The following SLC25A48 variants were observed in gnomAD, a reference collection of about 807,000 sequenced individuals.
SLC25A48 encodes the protein CTC-321K16.1.
In SLC25A48, 29 loss-of-function variants were observed where a neutral mutation model predicts 32.2. The ratio of observed to expected loss-of-function variants is 0.90; its 90% CI spans 0.67 to 1.23. The LOEUF is 1.23. Among genes scored for constraint, SLC25A48 ranks in the 50% most tolerant of loss-of-function variants. SLC25A48 has a pLI of 0.00. For missense variants in SLC25A48, 399 were observed against 422.7 expected, an observed-to-expected ratio of 0.94 and a Z score of 0.49; for synonymous variants, 164 against 172.3, an observed-to-expected ratio of 0.95 and a Z score of 0.38.
intron 6 of SLC25A48, chr5:135,875,608 G>C (rs1269109797): frequency 1.3e-5 from 2 of 152,244 alleles, no homozygotes; most frequent in Non-Finnish European, 2.9e-5. Flanking sequence ...ATGCCTAAGG[G>C]CTTTAGTTTT....
chr5:135,776,149 G>A (rs374872504), intron 3 of SLC25A48, among the ~76,000 whole-genome samples: 14 of 151,602 alleles, frequency 9.2e-5, no homozygotes, highest in Admixed American at 8.6e-4. Context: ...TACCAATATC[G>A]TAGGGATTGT....
chr5:135,678,182 A>G (rs1271231903), intron 3 of SLC25A48, among the ~76,000 whole-genome samples: 5 of 152,292 alleles, frequency 3.3e-5, no homozygotes, highest in Non-Finnish European at 5.9e-5. Context: ...ATGGTGTCAC[A>G]TATACCACAT....
At chr5:135,844,932 G>C (rs1418188324) in intron 2 of SLC25A48, among the ~76,000 whole-genome samples, 1 of 152,198 alleles carries the variant, frequency 6.6e-6, no homozygotes, top group Non-Finnish European at 1.5e-5. Context: ...GTAAAACCCA[G>C]GCTGACTTAA....
At position 135,827,374 on chromosome 5, in the gene SLC25A48, G is replaced by GA. The variant is rs569534460; in HGVS notation, c.-117+14451dup. 2.0e-5 allele frequency: 3 copies of GA among 152,294 alleles called. No individual in the cohort carries two copies. In the East Asian group the frequency reaches 5.8e-4, roughly 29 times the overall value. 9.4% of individuals were successfully genotyped at this position (152,294 alleles called of 1,614,324 possible). A position where few individuals can be genotyped will look rare whatever the true frequency, so the allele number is the denominator to read the frequency against. On this transcript the variant is annotated intron_variant, in intron 4 of 10. Transcript: ENST00000646290. ...TGCTTCCTGAGGATGAGGACTTTAA[G>GA]AAAGAGAGAGAAATCAATCGGTCAC...
intron 3 of SLC25A48, chr5:135,650,418 A>G: frequency 2.2e-6 from 1 of 456,078 alleles, no homozygotes; most frequent in South Asian, 1.5e-5. Flanking sequence ...CTTCCTTCAC[A>G]TGGGGTGGGA....
intron 3 of SLC25A48, among the ~76,000 whole-genome samples, chr5:135,676,903 T>G (rs1753784930): frequency 6.6e-6 from 1 of 152,098 alleles, no homozygotes; most frequent in Non-Finnish European, 1.5e-5. Context: ...ATGTTCCGTG[T>G]GCTAATGAGA....
chr5:135,701,468 C>A (rs1012227090), intron 3 of SLC25A48, among the ~76,000 whole-genome samples: 2 of 151,738 alleles, frequency 1.3e-5, no homozygotes, highest in Non-Finnish European at 1.5e-5. Flanking sequence ...GAACATAACT[C>A]CCCCCCGCCA....
intron 3 of SLC25A48, among the ~76,000 whole-genome samples, chr5:135,799,221 G>A (rs558547504): frequency 6.6e-6 from 1 of 151,846 alleles, no homozygotes; most frequent in African/African-American, 2.4e-5. Context: ...CAATATTGCA[G>A]GGTGTATAAA....
At chr5:135,609,954 C>T (rs991823092) in intron 1 of SLC25A48, among the ~76,000 whole-genome samples, 4 of 152,172 alleles carry the variant, frequency 2.6e-5, no homozygotes, top group South Asian at 2.1e-4. Context: ...TTTTAAACCA[C>T]GTGCATATGC....
intron 1 of SLC25A48, among the ~76,000 whole-genome samples, chr5:135,580,972 G>A (rs1169530338): frequency 6.6e-6 from 1 of 152,168 alleles, no homozygotes; most frequent in Non-Finnish European, 1.5e-5. Flanking sequence ...ATGGCTAAGA[G>A]GCTGGTGTCT....
Position 135,806,579 on chromosome 5 carries a change from TATC to T in SLC25A48, c.-520-5941_-520-5939del, listed in dbSNP as rs1207848075. Among the ~76,000 whole-genome samples the T allele has an allele frequency of 7.3e-5, 11 of 150,926 alleles. No individual in the cohort carries two copies. The East Asian group carries it at 9.8e-4, about 13-fold the overall frequency. Reference sequence around the variant, plus strand: ...GTGTGTTAACACTAGATGTTATAAATATCATTGATTTTTTAATATCATAGTGTT... The same window carrying T: ...GTGTGTTAACACTAGATGTTATAAATATTGATTTTTTAATATCATAGTGTT... On this transcript the variant is annotated intron_variant, in intron 3 of 10. Transcript: ENST00000646290.
chr5:135,794,012 T>A (rs1704304185), intron 3 of SLC25A48, among the ~76,000 whole-genome samples: 1 of 151,876 alleles, frequency 6.6e-6, no homozygotes, highest in Non-Finnish European at 1.5e-5. Context: ...TTGTTCCTAA[T>A]ATTCAGGGGG....
chr5:135,766,396 G>A (rs1756230352), intron 3 of SLC25A48, among the ~76,000 whole-genome samples: 1 of 150,906 alleles, frequency 6.6e-6, no homozygotes, highest in African/African-American at 2.4e-5. Flanking sequence ...TCGGTGTATT[G>A]TACACCCTCC....
At chr5:135,877,207 C>T (rs79754098) in intron 6 of SLC25A48, among the ~76,000 whole-genome samples, 5,018 of 152,162 alleles carry the variant, frequency 0.033, 313 homozygotes, top group African/African-American at 0.11. Flanking sequence ...CCATTCTCTG[C>T]CCACTGTTAG....
intron 3 of SLC25A48, among the ~76,000 whole-genome samples, chr5:135,644,262 A>C (rs1300605963): frequency 6.6e-6 from 1 of 152,122 alleles, no homozygotes; most frequent in Non-Finnish European, 1.5e-5. Context: ...TGGACTGAGA[A>C]GCCTAATATG....
rs553844654 is a variant in SLC25A48 at position 135,840,666 on chromosome 5, A to G, written c.47-1750A>G. 3.9e-5 allele frequency among the ~76,000 whole-genome samples: 6 copies of G among 152,284 alleles called. No individual in the cohort carries two copies. The East Asian group carries it at 1.2e-3, about 29-fold the overall frequency. On this transcript the variant is annotated intron_variant, in intron 1 of 7. Coordinates refer to ENST00000681962, the MANE Select transcript of SLC25A48 (RefSeq NM_001349336.2). The stretch of plus-strand genomic sequence containing the variant: ...ATTCATATAGGTAGAGTCACACAAT[A>G]CCTTGCCTTTTGTGTCTGGCCTTTT...
chr5:135,737,556 A>C (rs1172625992), intron 3 of SLC25A48, among the ~76,000 whole-genome samples: 1 of 152,170 alleles, frequency 6.6e-6, no homozygotes, highest in Non-Finnish European at 1.5e-5. Context: ...CTGAAGATGA[A>C]TGATGGTTTA....
At chr5:135,678,470 A>G (rs932058983) in intron 3 of SLC25A48, among the ~76,000 whole-genome samples, 1 of 152,090 alleles carries the variant, frequency 6.6e-6, no homozygotes. Context: ...ATTCTCTTGT[A>G]TCTCACTGGG....
intron 3 of SLC25A48, among the ~76,000 whole-genome samples, chr5:135,776,071 A>G (rs1166132659): frequency 6.6e-6 from 1 of 151,920 alleles, no homozygotes; most frequent in African/African-American, 2.4e-5. Context: ...TACTCCAAAT[A>G]TCGCAGAAGG....
Sources: allele counts gnomAD v4.1 joint callset (sites outside exome capture counted in the v4.1 genomes callset), GRCh38; gene constraint gnomAD v4.1.1; transcripts MANE v1.5; gene names NCBI Gene and HGNC (gene_info 2026-07-23, HGNC 2026-07-21).